Variants in COL23A1 observed in about 807,000 individuals in gnomAD.
The protein encoded by COL23A1 is collagen alpha-1(XXIII) chain.
In COL23A1, 97 loss-of-function variants were observed where a neutral mutation model predicts 99.3. The ratio of observed to expected loss-of-function variants is 0.98; its 90% confidence interval spans 0.83 to 1.16. COL23A1 has a LOEUF of 1.16. COL23A1 is among the 50% of genes most tolerant of loss of function. COL23A1 has a pLI of 0.00. For synonymous variants in COL23A1, 320 were observed against 308.2 expected (o/e 1.04, Z -0.40); for missense variants, 762 against 757.4 (o/e 1.01, Z -0.07).
chr5:178,573,326 C>T (rs1447075185), intron 1 of COL23A1, among the ~76,000 whole-genome samples: 1 of 152,220 alleles, frequency 6.6e-6, no homozygotes, highest in Non-Finnish European at 1.5e-5. Context: ...TCAGGTTCTG[C>T]CTGGGTTCGG....
At chr5:178,536,531 C>A (rs1458964447) in intron 2 of COL23A1, among the ~76,000 whole-genome samples, 1 of 152,204 alleles carries the variant, frequency 6.6e-6, no homozygotes, top group Non-Finnish European at 1.5e-5. Context: ...TCATCCAGAC[C>A]ATGGACAGGT....
intron 2 of COL23A1, among the ~76,000 whole-genome samples, chr5:178,358,745 G>A (rs200504006): frequency 9.2e-6 from 1 of 109,256 alleles, no homozygotes; most frequent in Non-Finnish European, 2.1e-5. Flanking sequence ...GTGTATCTGT[G>A]TGTGTATCTG....
intron 2 of COL23A1, among the ~76,000 whole-genome samples, chr5:178,342,152 G>A (rs541333578): frequency 6.6e-6 from 1 of 152,286 alleles, no homozygotes; most frequent in South Asian, 2.1e-4. Context: ...TCTGCGGAAG[G>A]CTGCTGAGTG....
chr5:178,427,164 G>T (rs1326728904), intron 2 of COL23A1, among the ~76,000 whole-genome samples: 2 of 152,184 alleles, frequency 1.3e-5, no homozygotes, highest in African/African-American at 4.8e-5. Context: ...TTGCACTCCA[G>T]CCTGGGCGAC....
rs772394315 is a variant in COL23A1, at chr5:178,249,022, G to A, written c.1149+95C>T. 9.1e-4 allele frequency: 1,164 copies of A among 1,284,244 alleles called. 4 individuals are homozygous for A. Among genetic ancestry groups the A allele is most frequent in the Non-Finnish European group, 1.2e-3 (1,036 of 890,192 alleles). The allele number at this position is 1,284,244 out of a possible 1,614,324, so 79.6% of individuals were successfully genotyped here. A position where few individuals can be genotyped will look rare whatever the true frequency, so the allele number is the denominator to read the frequency against. ...CACTGAGACCGCAGGGGCTGTCAGG[G>A]TCACGCCCTGGCCTCCCCACAGCAC... On this transcript the variant is annotated intron_variant, in intron 19 of 28. Transcript: ENST00000390654.
intron 1 of COL23A1, among the ~76,000 whole-genome samples, chr5:178,580,243 A>C (rs972672633): frequency 2.0e-4 from 31 of 151,786 alleles, no homozygotes; most frequent in Non-Finnish European, 3.4e-4. Context: ...CAGTAGAATC[A>C]CTTGAACCTG....
At chr5:178,528,905 T>A (rs1562057511) in intron 2 of COL23A1, among the ~76,000 whole-genome samples, 1 of 152,150 alleles carries the variant, frequency 6.6e-6, no homozygotes, top group Non-Finnish European at 1.5e-5. Flanking sequence ...GATCCCAGAG[T>A]TCTTGGCAGC....
chr5:178,554,136 C>A (rs1402298485), intron 2 of COL23A1, among the ~76,000 whole-genome samples: 7 of 151,960 alleles, frequency 4.6e-5, no homozygotes, highest in Admixed American at 2.0e-4. Context: ...CACACTTTCC[C>A]CTGGGCCACG....
intron 2 of COL23A1, among the ~76,000 whole-genome samples, chr5:178,420,156 C>T (rs1262333378): frequency 1.3e-5 from 2 of 152,206 alleles, no homozygotes; most frequent in Non-Finnish European, 1.5e-5. Flanking sequence ...GTTTCTACCG[C>T]AGTCTCGTCA....
rs1758483471 is a variant in COL23A1, at chr5:178,308,418, G to A, written c.362-1499C>T. 6.6e-6 allele frequency among the ~76,000 whole-genome samples: 1 copy of A among 152,102 alleles called. No individual in the cohort carries two copies. The highest frequency in any genetic ancestry group is 1.5e-5 in the Non-Finnish European group (1 of 67,988). ...GTTTTAAGGGCAAAAGTGCATGCCA[G>A]GGACGTAGCCCTTGGTTTTCTCCCA... On this transcript the variant is annotated intron_variant, in intron 2 of 28. Transcript: ENST00000390654. The surrounding 1 kb of genome is among the most constrained non-coding windows in gnomAD (Gnocchi z 5.1).
intron 1 of COL23A1, among the ~76,000 whole-genome samples, chr5:178,565,666 G>A (rs893807024): frequency 1.3e-5 from 2 of 152,064 alleles, no homozygotes; most frequent in Admixed American, 6.6e-5. Context: ...TAACCCCCAC[G>A]CGGCTGGGAT....
intron 2 of COL23A1, among the ~76,000 whole-genome samples, chr5:178,383,293 C>T (rs1023955432): frequency 2.0e-5 from 3 of 152,188 alleles, no homozygotes; most frequent in African/African-American, 4.8e-5. Context: ...ACCAGCTTCC[C>T]GCAGAGATGG....
intron 2 of COL23A1, among the ~76,000 whole-genome samples, chr5:178,323,354 T>A (rs1019612442): frequency 6.6e-6 from 1 of 152,090 alleles, no homozygotes; most frequent in Non-Finnish European, 1.5e-5. Context: ...CCTGCTCTGA[T>A]CCCCAGTCCC....
rs1760130212 is a variant in COL23A1, at chr5:178,333,185, T to C, written c.362-26266A>G. Among the ~76,000 whole-genome samples the C allele has an allele frequency of 2.0e-5, 3 of 152,112 alleles. No homozygotes were observed. In the South Asian group the frequency reaches 6.2e-4, roughly 32 times the overall value. ...CTTGGCCAGGCTGGGCTTGAACTCC[T>C]GACCTCGTGATCCACCCACCTCGGC... On this transcript the variant is annotated intron_variant, in intron 2 of 28. Coordinates refer to ENST00000390654, the MANE Select transcript of COL23A1 (RefSeq NM_173465.4).
chr5:178,274,150 G>A (rs1233494696), intron 5 of COL23A1, among the ~76,000 whole-genome samples: 1 of 152,240 alleles, frequency 6.6e-6, no homozygotes, highest in Non-Finnish European at 1.5e-5. Flanking sequence ...CGTCATTTTA[G>A]TTTGTGGGTC....
intron 2 of COL23A1, among the ~76,000 whole-genome samples, chr5:178,433,082 A>G (rs1446930516): frequency 6.6e-6 from 1 of 151,738 alleles, no homozygotes; most frequent in Non-Finnish European, 1.5e-5. Flanking sequence ...CCTTCCTCCA[A>G]CACCAACCAG....
rs140496668 is a variant in COL23A1, at chr5:178,491,642, G to A, written c.361+69040C>T. On this transcript the variant is annotated intron_variant, in intron 2 of 28. Coordinates refer to ENST00000390654, the MANE Select transcript of COL23A1 (RefSeq NM_173465.4). Reference sequence around the variant, plus strand: ...AAGCAGAGAGCGGACCACAGAGCCTGGGGCAAGGGAGATTCCACGTCCCCT... The same window carrying A: ...AAGCAGAGAGCGGACCACAGAGCCTAGGGCAAGGGAGATTCCACGTCCCCT... Among the ~76,000 whole-genome samples the A allele has an allele frequency of 3.8e-4, 58 of 152,242 alleles. No individual in the cohort carries two copies. In the East Asian group the frequency reaches 7.5e-3, roughly 20 times the overall value.
intron 2 of COL23A1, among the ~76,000 whole-genome samples, chr5:178,423,196 G>A (rs1262307637): frequency 6.6e-6 from 1 of 151,976 alleles, no homozygotes; most frequent in African/African-American, 2.4e-5. Flanking sequence ...TGTTGCCCAG[G>A]CTGGACTTGA....
chr5:178,587,360 G>A (rs1389683246), intron 1 of COL23A1, among the ~76,000 whole-genome samples: 1 of 152,028 alleles, frequency 6.6e-6, no homozygotes, highest in Non-Finnish European at 1.5e-5. Context: ...CTTCATTATC[G>A]GGCACATCAG....
Sources: allele counts gnomAD v4.1 joint callset (sites outside exome capture counted in the v4.1 genomes callset), GRCh38; gene constraint gnomAD v4.1.1; non-coding constraint Gnocchi (gnomAD v3.1); transcripts MANE v1.5; gene names NCBI Gene and HGNC (gene_info 2026-07-23, HGNC 2026-07-21).